The following RBFOX3 variants were observed in gnomAD, a reference collection of about 807,000 sequenced individuals.
RBFOX3 encodes RNA binding protein fox-1 homolog 3.
A neutral mutation model predicts 48.7 loss-of-function variants in RBFOX3; 17 were observed. The ratio of observed to expected loss-of-function variants is 0.35; its 90% CI spans 0.24 to 0.52. RBFOX3 has a LOEUF of 0.52. Ranked by LOEUF, RBFOX3 falls within the 20% of genes least tolerant of loss-of-function variation. RBFOX3 has a pLI of 0.94. For missense variants in RBFOX3, 382 were observed against 497.5 expected (o/e 0.77, Z 2.21); for synonymous variants, 212 against 209.5 (o/e 1.01, Z -0.10).
chr17:79,138,947 CT>C (rs1357300752), intron 4 of RBFOX3, among the ~76,000 whole-genome samples: 1 of 87,982 alleles, frequency 1.1e-5, no homozygotes, highest in African/African-American at 4.0e-5. Flanking sequence ...TCACACCCCC[CT>C]CAGCCCCACA....
intron 2 of RBFOX3, among the ~76,000 whole-genome samples, chr17:79,446,633 A>C (rs1220566342): frequency 3.9e-5 from 6 of 152,194 alleles, no homozygotes; most frequent in African/African-American, 9.6e-5. Context: ...CCCATGACCC[A>C]CAACTCACCA....
chr17:79,370,618 ACAGT>A (rs546040844), intron 2 of RBFOX3, among the ~76,000 whole-genome samples: 7 of 128,682 alleles, frequency 5.4e-5, no homozygotes, highest in Admixed American at 3.6e-4. Flanking sequence ...CCTGACATGC[ACAGT>A]CACATACACT....
chr17:79,638,855 T>C, the RBFOX3 span, among the ~76,000 whole-genome samples: 2 of 152,334 alleles, frequency 1.3e-5, no homozygotes, highest in African/African-American at 2.4e-5. Context: ...GGCAGCAACC[T>C]GAGGCCCTCA....
the RBFOX3 span, among the ~76,000 whole-genome samples, chr17:79,621,918 C>T: frequency 6.6e-6 from 1 of 152,090 alleles, no homozygotes; most frequent in Non-Finnish European, 1.5e-5. Flanking sequence ...AAGAGACACC[C>T]GAATCCGGGG....
At chr17:79,279,066 T>C (rs2069620664) in intron 3 of RBFOX3, among the ~76,000 whole-genome samples, 1 of 151,902 alleles carries the variant, frequency 6.6e-6, no homozygotes, top group African/African-American at 2.4e-5. Flanking sequence ...GTCCTCCAAT[T>C]ACTAGTGGCA....
chr17:79,275,367 C>A (rs986215497), intron 3 of RBFOX3, among the ~76,000 whole-genome samples: 1 of 152,114 alleles, frequency 6.6e-6, no homozygotes, highest in African/African-American at 2.4e-5. Flanking sequence ...GACCACCAGG[C>A]CTGAAGCACA....
At chr17:79,102,014 CCT>C in intron 8 of RBFOX3, among the ~76,000 whole-genome samples, 1 of 152,216 alleles carries the variant, frequency 6.6e-6, no homozygotes, top group Non-Finnish European at 1.5e-5. Flanking sequence ...CCCCCTCCTC[CCT>C]GAGGCTGCCA....
At chr17:79,591,064 G>T (rs1199670182) in intron 1 of RBFOX3, among the ~76,000 whole-genome samples, 1 of 152,228 alleles carries the variant, frequency 6.6e-6, no homozygotes, top group Admixed American at 6.5e-5. Flanking sequence ...GGAGCAGGGA[G>T]CTGTCGCCGC....
chr17:79,390,739 C>T lies in RBFOX3; in HGVS notation c.-174-82915G>A, dbSNP rs757523724. ...CAATCTGCCCGTCTCGGCCTCCCAACGCATGGCCCATTCAAAGTTTGCCAG... is the reference window on the plus strand; with the variant it reads ...CAATCTGCCCGTCTCGGCCTCCCAATGCATGGCCCATTCAAAGTTTGCCAG... On this transcript the variant is annotated intron_variant, in intron 2 of 14. Transcript: ENST00000693108. The surrounding 1 kb of genome is among the most constrained non-coding windows in gnomAD (Gnocchi z 4.2). Among the ~76,000 whole-genome samples the T allele has an allele frequency of 6.6e-6, 1 of 152,206 alleles. No individual in the cohort carries two copies. The highest frequency in any genetic ancestry group is 1.5e-5 in the Non-Finnish European group (1 of 68,044).
At chr17:79,113,402 C>G (rs1187481604) in intron 5 of RBFOX3, among the ~76,000 whole-genome samples, 1 of 152,078 alleles carries the variant, frequency 6.6e-6, no homozygotes, top group Non-Finnish European at 1.5e-5. Context: ...GCAGCCCTGC[C>G]CTGGGTGCAG....
rs1481440585 is a variant in RBFOX3 at position 79,535,999 on chromosome 17, C to G, written c.-319-53401G>C. Reference sequence around the variant, plus strand: ...TAAGCACTGACAGGCCCTCTCTGTCCTCCCTCTCCCCACTTTCATTCCTGG... The same window carrying G: ...TAAGCACTGACAGGCCCTCTCTGTCGTCCCTCTCCCCACTTTCATTCCTGG... On this transcript the variant is annotated intron_variant, in intron 1 of 14. Transcript: ENST00000693108. The surrounding 1 kb of genome is among the most constrained non-coding windows in gnomAD (Gnocchi z 4.5). 6.6e-6 allele frequency among the ~76,000 whole-genome samples: 1 copy of G among 152,182 alleles called. No homozygotes were observed. Among genetic ancestry groups the G allele is most frequent in the African/African-American group, 2.4e-5 (1 of 41,446 alleles).
intron 1 of RBFOX3, among the ~76,000 whole-genome samples, chr17:79,543,834 A>T (rs190771753): frequency 7.5e-6 from 1 of 132,904 alleles, no homozygotes; most frequent in African/African-American, 2.8e-5. Flanking sequence ...AGACACAGCC[A>T]GGGTGGGCCG....
At chr17:79,620,218 G>T in the RBFOX3 span, among the ~76,000 whole-genome samples, 78 of 108,760 alleles carry the variant, frequency 7.2e-4, no homozygotes, top group African/African-American at 2.5e-3. Context: ...TGCACACACA[G>T]GGACATGCAC....
chr17:79,116,582 G>T (rs993744490), intron 4 of RBFOX3, among the ~76,000 whole-genome samples: 2 of 152,264 alleles, frequency 1.3e-5, no homozygotes, highest in African/African-American at 4.8e-5. Flanking sequence ...TGCCCAGCCC[G>T]CACCTGGATC....
chr17:79,547,323 C>G (rs8073187), intron 1 of RBFOX3, among the ~76,000 whole-genome samples: 6 of 151,776 alleles, frequency 4.0e-5, no homozygotes, highest in Non-Finnish European at 8.8e-5. Context: ...GGCATGGTGG[C>G]GCACGCCTGT....
chr17:79,488,704 A>C (rs1442729867), intron 1 of RBFOX3, among the ~76,000 whole-genome samples: 7 of 152,246 alleles, frequency 4.6e-5, no homozygotes, highest in African/African-American at 1.7e-4. Context: ...AACAAGGTAC[A>C]CTAGCAACCC....
At position 79,242,078 on chromosome 17, in the gene RBFOX3, C is replaced by T. The variant is rs750019376; in HGVS notation, c.-73-6273G>A. ...CCATGTTTTCCTAAATGTGCAGTGA[C>T]GGTGCTTGGACCTAGTTTATGGTCA... On this transcript the variant is annotated intron_variant, in intron 3 of 14. Coordinates refer to ENST00000693108, the MANE Select transcript of RBFOX3 (RefSeq NM_001350451.2). The surrounding 1 kb of genome is among the most constrained non-coding windows in gnomAD (Gnocchi z 5.8). Among the ~76,000 whole-genome samples, 1 of 152,172 alleles carries T rather than the reference C, an allele frequency of 6.6e-6. No homozygotes were observed. The highest frequency in any genetic ancestry group is 6.5e-5 in the Admixed American group (1 of 15,272).
the RBFOX3 span, among the ~76,000 whole-genome samples, chr17:79,633,298 C>T: frequency 1.0e-4 from 16 of 152,404 alleles, no homozygotes; most frequent in Admixed American, 7.8e-4. Context: ...GACTGTGGGG[C>T]CCCAGGCCAG....
chr17:79,341,965 C>A (rs963457319), intron 2 of RBFOX3, among the ~76,000 whole-genome samples: 1 of 152,202 alleles, frequency 6.6e-6, no homozygotes, highest in South Asian at 2.1e-4. Context: ...TGGCTTTGGC[C>A]CCCAAGGCTG....
Sources: allele counts gnomAD v4.1 joint callset (sites outside exome capture counted in the v4.1 genomes callset), GRCh38; gene constraint gnomAD v4.1.1; non-coding constraint Gnocchi (gnomAD v3.1); transcripts MANE v1.5; gene names NCBI Gene and HGNC (gene_info 2026-07-23, HGNC 2026-07-21).